Variants in CHCHD3 observed in about 807,000 individuals in gnomAD.
CHCHD3 encodes coiled-coil-helix-coiled-coil-helix domain containing 3, also known as MICOS complex subunit MIC19.
CHCHD3 carries 20 observed loss-of-function variants against 38.2 expected under a neutral mutation model. That is an observed-to-expected ratio of 0.52 (90% CI 0.37 to 0.76). CHCHD3 has a LOEUF of 0.76. Among genes scored for constraint, CHCHD3 ranks in the 30% least tolerant of loss-of-function variants. The pLI, the probability that CHCHD3 is intolerant of heterozygous loss-of-function variation, is 0.00. For synonymous variants in CHCHD3, 82 were observed against 100.0 expected (o/e 0.82, Z 1.07); for missense variants, 245 against 279.2 (o/e 0.88, Z 0.87).
At chr7:133,012,258 C>T (rs1163542153) in intron 3 of CHCHD3, among the ~76,000 whole-genome samples, 1 of 152,144 alleles carries the variant, frequency 6.6e-6, no homozygotes, top group Non-Finnish European at 1.5e-5. Context: ...ATGAAATGCA[C>T]AATTTCCAAC....
At chr7:132,839,959 T>C (rs1325436651) in intron 5 of CHCHD3, among the ~76,000 whole-genome samples, 5 of 152,254 alleles carry the variant, frequency 3.3e-5, no homozygotes, top group Admixed American at 3.3e-4. Context: ...ATTGTAATTT[T>C]TTATCATTTT....
chr7:132,793,039 T>A (rs1339886114), intron 7 of CHCHD3, among the ~76,000 whole-genome samples: 2 of 152,158 alleles, frequency 1.3e-5, no homozygotes, highest in Non-Finnish European at 2.9e-5. Flanking sequence ...TCCCCTTTTT[T>A]AAAAAACAGA....
chr7:132,834,988 A>G (rs1014256907), intron 6 of CHCHD3, among the ~76,000 whole-genome samples: 1 of 146,976 alleles, frequency 6.8e-6, no homozygotes, highest in African/African-American at 2.5e-5. Flanking sequence ...TTATTTATTT[A>G]GAGACAGGGT....
intron 4 of CHCHD3, among the ~76,000 whole-genome samples, chr7:132,919,100 CTTTTTTTTT>C (rs5887600): frequency 4.3e-5 from 3 of 69,502 alleles, no homozygotes; most frequent in Admixed American, 2.4e-4. Context: ...TGGGTTTATT[CTTTTTTTTT>C]TTTTTTTTTT....
chr7:132,921,966 A>G (rs771750083), intron 4 of CHCHD3, among the ~76,000 whole-genome samples: 2 of 152,234 alleles, frequency 1.3e-5, no homozygotes, highest in Non-Finnish European at 2.9e-5. Context: ...ATGACTACCC[A>G]AGGATTCACG....
chr7:133,082,039 A>T lies in CHCHD3; in HGVS notation c.-102T>A. ...GGAAGGGCCTGGATTCTTTTCCCGCACAGCGGGAGCAAGGCCACGACCCCC... is the reference window on the plus strand; with the variant it reads ...GGAAGGGCCTGGATTCTTTTCCCGCTCAGCGGGAGCAAGGCCACGACCCCC... On this transcript the variant is annotated 5_prime_UTR_variant, in exon 1 of 8. Coordinates refer to ENST00000262570, the MANE Select transcript of CHCHD3 (RefSeq NM_017812.4). 9 of 1,105,126 alleles carry T rather than the reference A, an allele frequency of 8.1e-6. No individual in the cohort carries two copies. Among genetic ancestry groups the T allele is most frequent in the Non-Finnish European group, 1.1e-5 (9 of 792,630 alleles). The allele number at this position is 1,105,126 out of a possible 1,614,324, so 68.5% of individuals were successfully genotyped here. A position where few individuals can be genotyped will look rare whatever the true frequency, so the allele number is the denominator to read the frequency against.
chr7:132,802,197 G>T (rs1478036326), intron 6 of CHCHD3, among the ~76,000 whole-genome samples: 3 of 152,034 alleles, frequency 2.0e-5, no homozygotes, highest in African/African-American at 7.3e-5. Context: ...GAAATGATGG[G>T]GGGCAGGGTG....
intron 5 of CHCHD3, among the ~76,000 whole-genome samples, chr7:132,864,553 AC>A (rs1300126292): frequency 6.6e-6 from 1 of 152,174 alleles, no homozygotes; most frequent in African/African-American, 2.4e-5. Context: ...GCACTAATCA[AC>A]TTCCTTAATG....
intron 2 of CHCHD3, among the ~76,000 whole-genome samples, chr7:133,069,512 C>T (rs897120221): frequency 7.9e-5 from 12 of 152,140 alleles, no homozygotes. Context: ...TGGGCAGTAT[C>T]AAGAACAGTG....
At chr7:132,831,197 T>C (rs1283380851) in intron 6 of CHCHD3, among the ~76,000 whole-genome samples, 2 of 152,190 alleles carry the variant, frequency 1.3e-5, no homozygotes, top group African/African-American at 2.4e-5. Flanking sequence ...ACATAACTCC[T>C]GCATTAGAGA....
intron 6 of CHCHD3, among the ~76,000 whole-genome samples, chr7:132,812,086 G>T (rs964924600): frequency 2.0e-5 from 3 of 151,770 alleles, no homozygotes; most frequent in African/African-American, 7.3e-5. Context: ...CAAGATCAGG[G>T]AGTTGTCCTT....
intron 4 of CHCHD3, among the ~76,000 whole-genome samples, chr7:132,950,077 A>T (rs6467451): frequency 0.21 from 31,533 of 152,136 alleles, 3,559 homozygotes; most frequent in South Asian, 0.26. Context: ...ATTAAAAAAG[A>T]GCATCCTTAG....
At chr7:133,010,334 C>T (rs1261559311) in intron 3 of CHCHD3, among the ~76,000 whole-genome samples, 1 of 152,250 alleles carries the variant, frequency 6.6e-6, no homozygotes, top group East Asian at 1.9e-4. Context: ...CAGGCTTCAT[C>T]AGAGGGCTCT....
intron 4 of CHCHD3, among the ~76,000 whole-genome samples, chr7:132,940,521 G>A (rs1000142808): frequency 6.6e-6 from 1 of 152,116 alleles, no homozygotes; most frequent in Non-Finnish European, 1.5e-5. Context: ...GTGGTGGAGC[G>A]GTTCAGGGGT....
chr7:132,991,331 C>T (rs931084197), intron 3 of CHCHD3, among the ~76,000 whole-genome samples: 2 of 151,902 alleles, frequency 1.3e-5, no homozygotes, highest in Admixed American at 6.6e-5. Flanking sequence ...TAATTTTTAA[C>T]CTTTATTAAG....
chr7:132,924,620 T>A (rs1176249462), intron 4 of CHCHD3, among the ~76,000 whole-genome samples: 1 of 152,190 alleles, frequency 6.6e-6, no homozygotes, highest in African/African-American at 2.4e-5. Flanking sequence ...GAATATTCAT[T>A]CAAAATTTTC....
intron 3 of CHCHD3, among the ~76,000 whole-genome samples, chr7:132,975,789 G>T (rs1562926888): frequency 6.6e-6 from 1 of 152,070 alleles, no homozygotes; most frequent in Non-Finnish European, 1.5e-5. Flanking sequence ...AACTTCGCTG[G>T]GCGTGGTGAT....
intron 3 of CHCHD3, among the ~76,000 whole-genome samples, chr7:132,989,878 A>G (rs1483220869): frequency 6.6e-6 from 1 of 152,210 alleles, no homozygotes; most frequent in Non-Finnish European, 1.5e-5. Context: ...TTTATCTTAA[A>G]GTACACATCA....
intron 7 of CHCHD3, among the ~76,000 whole-genome samples, chr7:132,794,789 G>A (rs1053083783): frequency 6.6e-6 from 1 of 152,114 alleles, no homozygotes; most frequent in Non-Finnish European, 1.5e-5. Context: ...GGAAAAATAA[G>A]ATTTACTGAA....
Sources: gnomAD v4.1 joint callset for allele counts (sites outside exome capture counted in the v4.1 genomes callset) on GRCh38, gnomAD v4.1.1 for gene constraint, MANE v1.5 for transcripts, NCBI Gene and HGNC (gene_info 2026-07-23, HGNC 2026-07-21) for gene names.